The following ATF7IP2 variants were observed in gnomAD, a reference collection of about 807,000 sequenced individuals.
The protein encoded by ATF7IP2 is activating transcription factor 7 interacting protein 2.
In ATF7IP2, 42 loss-of-function variants were observed where a neutral mutation model predicts 64.2. That is an observed-to-expected ratio of 0.65 (90% CI 0.51 to 0.85). The LOEUF is 0.85. Ranked by LOEUF, ATF7IP2 falls within the 40% of genes least tolerant of loss-of-function variation. ATF7IP2 has a pLI of 0.00. For missense variants in ATF7IP2, 933 were observed against 784.2 expected (o/e 1.19, Z -2.27); for synonymous variants, 308 against 272.8 (o/e 1.13, Z -1.27).
intron 1 of ATF7IP2, chr16:10,387,217 A>G (rs908251242): frequency 1.2e-4 from 18 of 152,252 alleles, no homozygotes; most frequent in African/African-American, 4.3e-4. Context: ...GTTATATCAC[A>G]GGAAAGCAAT....
rs548083254 is a variant in ATF7IP2, at chr16:10,473,604, C to G, written c.1482+70C>G. ...TTAGTTCAAGGAACTTTAGTGTTTG[C>G]TACATGTTGGATGATTTAGTTTTAG... On this transcript the variant is annotated intron_variant, in intron 11 of 13. Coordinates refer to ENST00000562102, the MANE Select transcript of ATF7IP2 (RefSeq NM_001393719.1). 32 of 1,117,138 alleles carry G rather than the reference C, an allele frequency of 2.9e-5. No homozygotes were observed. In the South Asian group the frequency reaches 3.9e-4, roughly 14 times the overall value. The allele number at this position is 1,117,138 out of a possible 1,614,324, so 69.2% of individuals were successfully genotyped here.
intron 1 of ATF7IP2, among the ~76,000 whole-genome samples, chr16:10,408,733 A>C (rs2047692241): frequency 6.6e-6 from 1 of 152,108 alleles, no homozygotes; most frequent in African/African-American, 2.4e-5. Context: ...TAGACTCTAG[A>C]TATTAGTCAT....
intron 1 of ATF7IP2, among the ~76,000 whole-genome samples, chr16:10,391,146 G>A (rs1281156003): frequency 1.6e-5 from 2 of 127,170 alleles, no homozygotes; most frequent in African/African-American, 6.4e-5. Context: ...CACAGAGAGA[G>A]ACCCTGTCTC....
intron 8 of ATF7IP2, chr16:10,446,635 G>A (rs760617573): frequency 6.6e-6 from 1 of 152,144 alleles, no homozygotes; most frequent in South Asian, 2.1e-4. Context: ...TCCTGGGTCC[G>A]AATGAGACAA....
intron 12 of ATF7IP2, among the ~76,000 whole-genome samples, chr16:10,475,147 ATC>A (rs2049956473): frequency 6.6e-6 from 1 of 152,248 alleles, no homozygotes; most frequent in Non-Finnish European, 1.5e-5. Context: ...TGGAAAGTAG[ATC>A]TACACAAAGA....
At chr16:10,431,785 A>G (rs1025588037) in intron 5 of ATF7IP2, among the ~76,000 whole-genome samples, 11 of 151,766 alleles carry the variant, frequency 7.2e-5, no homozygotes, top group African/African-American at 2.7e-4. Context: ...GCTAGTTGAA[A>G]GAGTGAGTTT....
intron 1 of ATF7IP2, among the ~76,000 whole-genome samples, chr16:10,398,424 AAAT>A (rs2047462417): frequency 1.3e-5 from 2 of 152,350 alleles, no homozygotes; most frequent in South Asian, 4.1e-4. Context: ...AAGTTCAAAA[AAAT>A]TAAAAATATG....
At chr16:10,393,725 C>T (rs2047372808) in intron 1 of ATF7IP2, among the ~76,000 whole-genome samples, 1 of 152,086 alleles carries the variant, frequency 6.6e-6, no homozygotes. Flanking sequence ...TGTAATACTA[C>T]TGCAAGTCAC....
chr16:10,431,416 G>T lies in ATF7IP2; in HGVS notation c.796G>T (p.Asp266Tyr), dbSNP rs758764047. 5.0e-6 allele frequency: 8 copies of T among 1,609,748 alleles called. No homozygotes were observed. The highest frequency in any genetic ancestry group is 5.9e-6 in the Non-Finnish European group (7 of 1,176,672). Reference protein sequence around the residue: ...RTSISNCESADSTWQSSLDTN... With the variant: ...RTSISNCESAYSTWQSSLDTN... ...CAGTATTTCAAATTGTGAAAGTGCA[G>T]ACTCAACATGGCAGTCATCACTTGA... Residue 266 changes from aspartate to tyrosine, a missense_variant, in exon 5 of 14, where the codon GAC becomes TAC. By Grantham distance (160) the Asp-to-Tyr change is radical (BLOSUM62 -3). Transcript: ENST00000562102.
In ATF7IP2 at chr16:10,481,015, A is replaced by G. The variant is rs180706748; in HGVS notation, c.1635+51A>G. On this transcript the variant is annotated intron_variant, in intron 13 of 13. Transcript: ENST00000562102. ...GGATATTTATTCCAAATTGAGTGGG[A>G]AGTAGCTATGTTACTCTTGAAGAAA... 5.4e-5 allele frequency: 72 copies of G among 1,338,362 alleles called. No homozygotes were observed. In the African/African-American group the frequency reaches 9.5e-4, roughly 18 times the overall value. 82.9% of individuals were successfully genotyped at this position (1,338,362 alleles called of 1,614,324 possible). A position where few individuals can be genotyped will look rare whatever the true frequency, so the allele number is the denominator to read the frequency against.
In ATF7IP2 at chr16:10,431,378, A is replaced by G; in HGVS notation, c.758A>G (p.Glu253Gly). ...GCTGATGACATTTTGAAAACTGATG[A>G]GTGTAGTAGAACCAGTATTTCAAAT... ...NCADDILKTDECSRTSISNCE... is the reference protein window; with the variant it reads ...NCADDILKTDGCSRTSISNCE... Residue 253 changes from glutamate (E) to glycine (G), a missense_variant, in exon 5 of 14, where the codon GAG becomes GGG. Physicochemically the swap from Glu to Gly is moderately conservative, Grantham distance 98. Transcript: ENST00000562102. 1 of 1,613,968 alleles carries G rather than the reference A, an allele frequency of 6.2e-7. No homozygotes were observed. The highest frequency in any genetic ancestry group is 1.3e-5 in the African/African-American group (1 of 75,060).
chr16:10,459,292 C>T (rs1032407338), intron 9 of ATF7IP2, among the ~76,000 whole-genome samples: 3 of 151,930 alleles, frequency 2.0e-5, no homozygotes, highest in African/African-American at 2.4e-5. Flanking sequence ...CATGGTGAAA[C>T]GCCGTCTCTA....
chr16:10,441,678 C>G lies in ATF7IP2; in HGVS notation c.1194+1216C>G, dbSNP rs533902166. Among the ~76,000 whole-genome samples the G allele has an allele frequency of 3.8e-4, 58 of 152,058 alleles. No homozygotes were observed. The Middle Eastern group carries it at 0.01, about 27-fold the overall frequency. On this transcript the variant is annotated intron_variant, in intron 8 of 13. Coordinates refer to ENST00000562102, the MANE Select transcript of ATF7IP2 (RefSeq NM_001393719.1). ...CAAATGGATAGATTGCAAAAATTTT[C>G]TCCCATTCTGTAGGTTGCCTGTTCA...
intron 12 of ATF7IP2, among the ~76,000 whole-genome samples, 186 bp from the exon 13 acceptor site, chr16:10,480,693 T>A (rs2142112376): frequency 6.6e-6 from 1 of 151,208 alleles, no homozygotes; most frequent in South Asian, 2.1e-4. Context: ...TTTTGTCACC[T>A]TAAAAATTTT....
rs188794723 is a variant in ATF7IP2 at position 10,393,285 on chromosome 16, C to T, written c.-242+7163C>T. 2.5e-4 allele frequency among the ~76,000 whole-genome samples: 32 copies of T among 128,300 alleles called. No individual in the cohort carries two copies. The East Asian group carries it at 7.6e-3, about 30-fold the overall frequency. The allele number at this position is 128,300 out of a possible 152,430, so 84.2% of individuals were successfully genotyped here. On this transcript the variant is annotated intron_variant, in intron 1 of 13. Coordinates refer to ENST00000562102, the MANE Select transcript of ATF7IP2 (RefSeq NM_001393719.1). ...AGATTGCCTCAATGCCAGTGCACTC[C>T]AGGCTGGGTGACAGAGTGAGACTCT...
intron 1 of ATF7IP2, among the ~76,000 whole-genome samples, chr16:10,410,068 G>C (rs1436250696): frequency 3.3e-5 from 5 of 152,096 alleles, no homozygotes; most frequent in Admixed American, 2.6e-4. Flanking sequence ...CTCTTTTTTG[G>C]TTCCATATGA....
intron 5 of ATF7IP2, 22 bp downstream of exon 5, chr16:10,431,477 T>TTAA: frequency 6.8e-7 from 1 of 1,459,950 alleles, no homozygotes; most frequent in Non-Finnish European, 9.3e-7. Context: ...CTTATGCACC[T>TTAA]TTTAGAAAAA....
chr16:10,480,134 C>T (rs780257036), intron 12 of ATF7IP2, among the ~76,000 whole-genome samples: 11 of 151,540 alleles, frequency 7.3e-5, no homozygotes, highest in Middle Eastern at 3.4e-3. Context: ...ACTACAGGCA[C>T]GCGCCACCAC....
chr16:10,462,981 T>C (rs1428924832), intron 9 of ATF7IP2, among the ~76,000 whole-genome samples: 1 of 152,340 alleles, frequency 6.6e-6, no homozygotes, highest in Non-Finnish European at 1.5e-5. Context: ...TCAATTTGTA[T>C]ATTTTTCAGT....
Sources: gnomAD v4.1 joint callset for allele counts (sites outside exome capture counted in the v4.1 genomes callset) on GRCh38, gnomAD v4.1.1 for gene constraint, MANE v1.5 for transcripts, NCBI Gene and HGNC (gene_info 2026-07-23, HGNC 2026-07-21) for gene names.